The following PROM1 variants were observed in gnomAD, a reference collection of about 807,000 sequenced individuals.
PROM1 encodes the protein prominin-1.
In PROM1, 105 loss-of-function variants were observed where a neutral mutation model predicts 116.9. The observed-to-expected ratio is 0.90, with a 90% CI of 0.77 to 1.06. PROM1 has a LOEUF of 1.06. PROM1 is among the 50% of genes least tolerant of loss of function. PROM1 has a pLI of 0.00. For missense variants in PROM1, 1,122 were observed against 1,045.2 expected, an observed-to-expected ratio of 1.07 and a Z score of -1.01; for synonymous variants, 393 against 387.0, an observed-to-expected ratio of 1.02 and a Z score of -0.18.
intron 11 of PROM1, among the ~76,000 whole-genome samples, chr4:16,010,648 G>A (rs1726675217): frequency 6.6e-6 from 1 of 152,058 alleles, no homozygotes; most frequent in Admixed American, 6.6e-5. Context: ...GACTACAGGT[G>A]TGTACCACCA....
In PROM1 at chr4:16,001,218, G is replaced by A. The variant is rs143277291; in HGVS notation, c.1455-599C>T. ...GCAGGACTCGGAAAGCGCTGAACAC[G>A]AGAGGTAGAGGCAAGGAAGGGCTCC... On this transcript the variant is annotated intron_variant, in intron 13 of 27. Coordinates refer to ENST00000447510, the MANE Select transcript of PROM1 (RefSeq NM_006017.3). Among the ~76,000 whole-genome samples the A allele has an allele frequency of 7.5e-4, 114 of 152,282 alleles. 1 individual carries two copies. The highest frequency in any genetic ancestry group is 2.5e-3 in the African/African-American group (102 of 41,552).
chr4:16,025,945 C>T (rs1426447842), intron 5 of PROM1, among the ~76,000 whole-genome samples: 3 of 152,158 alleles, frequency 2.0e-5, no homozygotes, highest in African/African-American at 4.8e-5. Context: ...ATTTCATCTA[C>T]AGAAAGTGCA....
chr4:16,045,840 C>T (rs1736427343), intron 2 of PROM1, among the ~76,000 whole-genome samples: 2 of 152,118 alleles, frequency 1.3e-5, no homozygotes, highest in South Asian at 4.1e-4. Context: ...GAGCATTGCT[C>T]AGATGAATCA....
At chr4:15,981,426 G>C (rs970641818) in intron 23 of PROM1, among the ~76,000 whole-genome samples, 5 of 151,966 alleles carry the variant, frequency 3.3e-5, no homozygotes, top group South Asian at 4.2e-4. Context: ...CAAAAAATTA[G>C]CCAGGCATGG....
chr4:15,979,850 C>A, intron 25 of PROM1, 31 bp downstream of exon 25: 1 of 1,439,530 alleles, frequency 6.9e-7, no homozygotes. Context: ...CCCATCCCAT[C>A]TAGGAATATA....
chr4:16,020,690 G>A (rs1269401228), intron 8 of PROM1, among the ~76,000 whole-genome samples: 1 of 152,120 alleles, frequency 6.6e-6, no homozygotes, highest in East Asian at 1.9e-4. Context: ...AACAGAGAAT[G>A]ACAGGTGATA....
In PROM1 at chr4:16,075,682, C is replaced by T. The variant is rs1743800481; in HGVS notation, c.220+5G>A. On this transcript the variant is annotated splice_donor_5th_base_variant and intron_variant, in intron 2 of 27. Coordinates refer to ENST00000447510, the MANE Select transcript of PROM1 (RefSeq NM_006017.3). ...ATCCTATCTTTCCCTGCCATCAGCA[C>T]TTACCTTCTGGGAAATCACGCGGCT... 1 of 1,609,464 alleles carries T rather than the reference C, an allele frequency of 6.2e-7. No homozygotes were observed. Among genetic ancestry groups the T allele is most frequent in the Non-Finnish European group, 8.5e-7 (1 of 1,177,374 alleles).
intron 1 of PROM1, among the ~76,000 whole-genome samples, chr4:16,077,591 C>T (rs1241537476): frequency 6.6e-6 from 1 of 152,060 alleles, no homozygotes; most frequent in African/African-American, 2.4e-5. Flanking sequence ...TTCCACCTAA[C>T]GAGAAACACC....
intron 5 of PROM1, among the ~76,000 whole-genome samples, chr4:16,031,873 G>A (rs946490253): frequency 2.6e-5 from 4 of 152,216 alleles, no homozygotes; most frequent in African/African-American, 7.2e-5. Flanking sequence ...CTGCCCTGGA[G>A]TAAGTGGTAA....
At chr4:15,976,248 C>G in intron 26 of PROM1, 1 of 453,244 alleles carries the variant, frequency 2.2e-6, no homozygotes, top group Non-Finnish European at 4.4e-6. Flanking sequence ...TGGCATTTCT[C>G]AACACCGACT....
intron 16 of PROM1, among the ~76,000 whole-genome samples, chr4:15,993,572 A>C (rs1226384769): frequency 6.6e-6 from 1 of 152,198 alleles, no homozygotes; most frequent in African/African-American, 2.4e-5. Context: ...AACGGTATGG[A>C]CCATGCTCCT....
intron 9 of PROM1, among the ~76,000 whole-genome samples, chr4:16,016,497 T>C (rs929122535): frequency 1.3e-5 from 2 of 152,212 alleles, no homozygotes; most frequent in African/African-American, 4.8e-5. Flanking sequence ...GTAACACAAA[T>C]GTAATATATA....
chr4:16,033,896 T>A (rs1417997458), intron 4 of PROM1, among the ~76,000 whole-genome samples: 3 of 135,316 alleles, frequency 2.2e-5, no homozygotes, highest in Admixed American at 7.0e-5. Context: ...TGAATCTGAA[T>A]GTGTACATAT....
rs748976241 is a variant in PROM1, at chr4:16,006,609, G to A, written c.1383C>T (p.Cys461=). The change falls in exon 13 of 28, where the codon TGC becomes TGT. Residue 461 remains cysteine (C), a synonymous_variant. Coordinates refer to ENST00000447510, the MANE Select transcript of PROM1 (RefSeq NM_006017.3). The part of the protein sequence containing the change: ...FYYLGLLCGV[C]GYDRHATPTT... ...TCGGGGTGGCATGCCTGTCATAGCC[G>A]CACACGCCACACAGTAAGCCCAGGT... The A allele has an allele frequency of 6.2e-6, 10 of 1,609,384 alleles. No homozygotes were observed. The highest frequency in any genetic ancestry group is 5.3e-5 in the African/African-American group (4 of 74,848).
chr4:15,980,153 CGA>C, intron 24 of PROM1: 1 of 584,712 alleles, frequency 1.7e-6, no homozygotes, highest in Non-Finnish European at 3.0e-6. Flanking sequence ...GCCAGGTCCC[CGA>C]GAGAGAGGAA....
intron 15 of PROM1, 56 bp from the exon 16 acceptor site, chr4:15,994,127 T>C: frequency 1.2e-6 from 2 of 1,608,998 alleles, no homozygotes; most frequent in South Asian, 1.1e-5. Context: ...GCTACCTCTG[T>C]CCACCACTGA....
At chr4:16,065,568 A>C (rs1300771664) in intron 2 of PROM1, among the ~76,000 whole-genome samples, 1 of 152,160 alleles carries the variant, frequency 6.6e-6, no homozygotes, top group Non-Finnish European at 1.5e-5. Flanking sequence ...TTTTGAGAGC[A>C]AGGGAACCCA....
chr4:16,071,064 G>C (rs1742691211), intron 2 of PROM1, among the ~76,000 whole-genome samples: 1 of 152,104 alleles, frequency 6.6e-6, no homozygotes. Flanking sequence ...CAAGTTCCTG[G>C]GACATGGAAT....
chr4:16,070,867 C>A (rs1742649514), intron 2 of PROM1, among the ~76,000 whole-genome samples: 1 of 152,200 alleles, frequency 6.6e-6, no homozygotes. Flanking sequence ...GGAACAGCAG[C>A]AAGGACAGTT....
Sources: allele counts gnomAD v4.1 joint callset (sites outside exome capture counted in the v4.1 genomes callset), GRCh38; gene constraint gnomAD v4.1.1; transcripts MANE v1.5; gene names NCBI Gene and HGNC (gene_info 2026-07-23, HGNC 2026-07-21).